TLR5: variants seen among roughly 807,000 people sequenced by gnomAD.
TLR5 encodes toll-like receptor 5.
For missense variants in TLR5, 944 were observed against 999.8 expected, an observed-to-expected ratio of 0.94 and a Z score of 0.75; for synonymous variants, 373 against 384.4, an observed-to-expected ratio of 0.97 and a Z score of 0.35.
Position 223,111,682 on chromosome 1 carries a change from G to A in TLR5, c.1350C>T (p.Leu450=). 6.2e-7 allele frequency: 1 copy of A among 1,614,144 alleles called. No homozygotes were observed. Among genetic ancestry groups the A allele is most frequent in the African/African-American group, 1.3e-5 (1 of 75,036 alleles). ...ILYFLLRVPH[L]QILILNQNRF... is the part of the protein sequence containing the mutation. ...GATTTTGATTTAAAATGAGAATCTG[G>A]AGATGAGGTACCCGTAGGAGAAAGT... Residue 450 remains leucine, a synonymous_variant, in exon 6 of 6, where the codon CTC becomes CTT. Transcript: ENST00000642603.
chr1:223,119,639 A>G (rs1244636164), intron 5 of TLR5, among the ~76,000 whole-genome samples: 4 of 152,086 alleles, frequency 2.6e-5, no homozygotes, highest in Admixed American at 2.6e-4. Context: ...TCAGACTGAT[A>G]GAACAGACTC....
intron 2 of TLR5, among the ~76,000 whole-genome samples, chr1:223,138,551 G>A (rs997133308): frequency 7.2e-5 from 11 of 152,160 alleles, no homozygotes; most frequent in Non-Finnish European, 5.9e-5. Context: ...CTTTCTCTAG[G>A]CCTGACCTCA....
chr1:223,117,104 A>G (rs1164536279), intron 5 of TLR5, among the ~76,000 whole-genome samples: 1 of 152,140 alleles, frequency 6.6e-6, no homozygotes, highest in Non-Finnish European at 1.5e-5. Context: ...CCTGCCCTGC[A>G]GGCAGGCGGC....
rs1477912772 is a variant in TLR5 at position 223,142,411 on chromosome 1, G to A, written c.-554-648C>T. On this transcript the variant is annotated intron_variant, in intron 1 of 5. Coordinates refer to ENST00000642603, the MANE Select transcript of TLR5 (RefSeq NM_003268.6). ...GTTCCCAACACTAGGTAACAACACC[G>A]CTCTCCCTCCTCCGGGAGAAAGCCG... Among the ~76,000 whole-genome samples, 5 of 152,272 alleles carry A rather than the reference G, an allele frequency of 3.3e-5. No homozygotes were observed. In the East Asian group the frequency reaches 9.7e-4, roughly 29 times the overall value.
At position 223,112,304 on chromosome 1, in the gene TLR5, G is replaced by C. The variant is rs756666711; in HGVS notation, c.728C>G (p.Thr243Arg). 1.9e-6 allele frequency: 3 copies of C among 1,614,206 alleles called. No individual in the cohort carries two copies. Among genetic ancestry groups the C allele is most frequent in the Non-Finnish European group, 2.5e-6 (3 of 1,180,036 alleles). Residue 243 changes from threonine to arginine, a missense_variant, in exon 6 of 6, where the codon ACA (threonine) becomes AGA (arginine). Thr to Arg is a moderately conservative substitution (Grantham distance 71, BLOSUM62 -1). Coordinates refer to ENST00000642603, the MANE Select transcript of TLR5 (RefSeq NM_003268.6). ...VSGNGWTVDI[T>R]GNFSNAISKS... is the part of the protein sequence containing the mutation. ...GCTGATGGCATTGCTAAAGTTTCCTGTGATGTCCACTGTCCAGCCATTTCC... is the reference window on the plus strand; with the variant it reads ...GCTGATGGCATTGCTAAAGTTTCCTCTGATGTCCACTGTCCAGCCATTTCC...
intron 5 of TLR5, among the ~76,000 whole-genome samples, chr1:223,120,395 G>C (rs1197550520): frequency 6.6e-6 from 1 of 152,174 alleles, no homozygotes; most frequent in Non-Finnish European, 1.5e-5. Context: ...CTATGACCTG[G>C]AAGCCCCAGG....
At position 223,121,863 on chromosome 1, in the gene TLR5, C is replaced by T. The variant is rs1265492473; in HGVS notation, c.-4-8828G>A. ...AGATTGAGTAATGCAAACAAAGTAG[C>T]CACTTTCTGTCTCAGTGAATTTCTT... On this transcript the variant is annotated intron_variant, in intron 5 of 5. Transcript: ENST00000642603. 3.3e-5 allele frequency among the ~76,000 whole-genome samples: 5 copies of T among 152,132 alleles called. 1 individual carries two copies. The highest frequency in any genetic ancestry group is 3.3e-4 in the Admixed American group (5 of 15,270).
At chr1:223,124,941 A>T (rs1234304863) in intron 5 of TLR5, among the ~76,000 whole-genome samples, 2 of 152,128 alleles carry the variant, frequency 1.3e-5, no homozygotes, top group Non-Finnish European at 2.9e-5. Context: ...GGGTTGTTTG[A>T]TATCAGAGGG....
Position 223,112,641 on chromosome 1 carries a change from G to A in TLR5, c.391C>T (p.Leu131Phe). 6.2e-7 allele frequency: 1 copy of A among 1,614,196 alleles called. No individual in the cohort carries two copies. Among genetic ancestry groups the A allele is most frequent in the Non-Finnish European group, 8.5e-7 (1 of 1,180,040 alleles). ...CCATCTTTCAATACAGCATCAGAGA[G>A]ACCACAGAAATACAGTCTAAGTTCA... ...LFELRLYFCG[L>F]SDAVLKDGYF... Residue 131 changes from leucine to phenylalanine, a missense_variant, in exon 6 of 6, where the codon CTC (leucine) becomes TTC (phenylalanine). Transcript: ENST00000642603.
Position 223,110,510 on chromosome 1 carries a change from TTTTC to T in TLR5, c.2518_2521del (p.Glu840LysfsTer14). 1.9e-6 allele frequency: 3 copies of T among 1,614,176 alleles called. No individual in the cohort carries two copies. Among genetic ancestry groups the T allele is most frequent in the Non-Finnish European group, 2.5e-6 (3 of 1,180,022 alleles). On this transcript the variant is annotated frameshift_variant, in exon 6 of 6. Transcript: ENST00000642603. LOFTEE classifies it low-confidence loss of function (END_TRUNC). ...AATGTTATTGTCTTTCTTCTTTTCTTTTTCTTTCTTTAGTATCTGTTGAGAGAGT... is the reference window on the plus strand; with the variant it reads ...AATGTTATTGTCTTTCTTCTTTTCTTTTTCTTTAGTATCTGTTGAGAGAGT...
At position 223,109,584 on chromosome 1, in the gene TLR5, A is replaced by G. The variant is rs1249847490; in HGVS notation, c.*871T>C. The G allele has an allele frequency of 6.6e-6, 1 of 152,188 alleles. No homozygotes were observed. The highest frequency in any genetic ancestry group is 1.5e-5 in the Non-Finnish European group (1 of 68,046). The allele number at this position is 152,188 out of a possible 1,614,324, so 9.4% of individuals were successfully genotyped here. A position where few individuals can be genotyped will look rare whatever the true frequency, so the allele number is the denominator to read the frequency against. ...AATTTTCACAGGAATTCTATGACAT[A>G]GATGCTGTTACGTGAGAAAATGTAG... On this transcript the variant is annotated 3_prime_UTR_variant, in exon 6 of 6. Coordinates refer to ENST00000642603, the MANE Select transcript of TLR5 (RefSeq NM_003268.6).
At chr1:223,119,267 G>T (rs1308961346) in intron 5 of TLR5, among the ~76,000 whole-genome samples, 2 of 152,032 alleles carry the variant, frequency 1.3e-5, no homozygotes, top group Non-Finnish European at 2.9e-5. Flanking sequence ...AAGTCCCCAA[G>T]GGTCAAAAAC....
chr1:223,117,976 G>A (rs550190514), intron 5 of TLR5, among the ~76,000 whole-genome samples: 4 of 152,216 alleles, frequency 2.6e-5, no homozygotes, highest in Non-Finnish European at 5.9e-5. Flanking sequence ...CAATAAAAAA[G>A]AGTCAAACTC....
Position 223,112,077 on chromosome 1 carries a change from G to A in TLR5, c.955C>T (p.Leu319Phe), listed in dbSNP as rs369461892. The A allele has an allele frequency of 7.4e-6, 12 of 1,614,190 alleles. No individual in the cohort carries two copies. The East Asian group carries it at 2.7e-4, about 36-fold the overall frequency. ...ATCTTATTTATCTTGTTGTAGGCAA[G>A]GTTCAGAACCTTCAAATCCTTGAGT... Reference protein sequence around the residue: ...ETLKDLKVLNLAYNKINKIAD... With the variant: ...ETLKDLKVLNFAYNKINKIAD... Residue 319 changes from leucine (L) to phenylalanine (F), a missense_variant, in exon 6 of 6, where the codon CTT becomes TTT. Leu to Phe is a conservative substitution (Grantham distance 22). Transcript: ENST00000642603.
At position 223,110,358 on chromosome 1, in the gene TLR5, A is replaced by AC; in HGVS notation, c.*96_*97insG. On this transcript the variant is annotated 3_prime_UTR_variant, in exon 6 of 6. Coordinates refer to ENST00000642603, the MANE Select transcript of TLR5 (RefSeq NM_003268.6). ...GTTTTCATAGTAGCAAAAAGAAAAA[A>AC]AAAACCTCCAGAGAGGACCCCAAAA... is the stretch of plus-strand genomic sequence containing the variant. 7.4e-7 allele frequency: 1 copy of AC among 1,348,580 alleles called. No individual in the cohort carries two copies. Among genetic ancestry groups the AC allele is most frequent in the South Asian group, 1.3e-5 (1 of 78,776 alleles). 83.5% of individuals were successfully genotyped at this position (1,348,580 alleles called of 1,614,324 possible).
At chr1:223,138,278 T>C (rs750663152) in intron 2 of TLR5, among the ~76,000 whole-genome samples, 15 of 151,716 alleles carry the variant, frequency 9.9e-5, no homozygotes, top group Non-Finnish European at 1.5e-4. Context: ...TGAATCTCCT[T>C]GTGGGTTTTG....
intron 2 of TLR5, among the ~76,000 whole-genome samples, chr1:223,138,234 G>A (rs938647730): frequency 6.6e-6 from 1 of 151,866 alleles, no homozygotes; most frequent in Admixed American, 6.6e-5. Flanking sequence ...AGGTATTACA[G>A]GCATGAACTA....
rs1469980914 is a variant in TLR5, at chr1:223,109,543, C to T, written c.*912G>A. The T allele has an allele frequency of 6.6e-6, 1 of 152,172 alleles. No individual in the cohort carries two copies. The highest frequency in any genetic ancestry group is 1.5e-5 in the Non-Finnish European group (1 of 68,038). The allele number at this position is 152,172 out of a possible 1,614,324, so 9.4% of individuals were successfully genotyped here. ...AAGGAAAAGATCTGAGAAGCCCTGA[C>T]ATCCTTGGCCAATTTAATTTTCACA... On this transcript the variant is annotated 3_prime_UTR_variant, in exon 6 of 6. Coordinates refer to ENST00000642603, the MANE Select transcript of TLR5 (RefSeq NM_003268.6).
chr1:223,114,339 C>A (rs1773718), intron 5 of TLR5, among the ~76,000 whole-genome samples: 1 of 151,988 alleles, frequency 6.6e-6, no homozygotes, highest in Non-Finnish European at 1.5e-5. Flanking sequence ...ATTATTTGCA[C>A]AGCACCTCCA....
Sources: allele counts gnomAD v4.1 joint callset (sites outside exome capture counted in the v4.1 genomes callset), GRCh38; gene constraint gnomAD v4.1.1; transcripts MANE v1.5; gene names NCBI Gene and HGNC (gene_info 2026-07-23, HGNC 2026-07-21).